PRKG1: variants seen among roughly 807,000 people sequenced by gnomAD.
The protein encoded by PRKG1 is cGMP-dependent protein kinase 1.
PRKG1 carries 35 observed loss-of-function variants against 88.1 expected under a neutral mutation model. The ratio of observed to expected loss-of-function variants is 0.40; its 90% CI spans 0.30 to 0.53. The LOEUF is 0.53. Among genes scored for constraint, PRKG1 ranks in the 20% least tolerant of loss-of-function variants. The pLI is 0.59. For missense variants in PRKG1, 540 were observed against 839.8 expected, an observed-to-expected ratio of 0.64 and a Z score of 4.41; for synonymous variants, 303 against 292.5, an observed-to-expected ratio of 1.04 and a Z score of -0.37.
intron 3 of PRKG1, among the ~76,000 whole-genome samples, chr10:51,559,639 G>C (rs114660375): frequency 0.012 from 1,780 of 152,112 alleles, 32 homozygotes; most frequent in Middle Eastern, 0.048. Context: ...TTTTTATCAA[G>C]TAAGAAAAGA....
intron 3 of PRKG1, among the ~76,000 whole-genome samples, chr10:51,724,362 A>C (rs1448793284): frequency 1.3e-5 from 2 of 152,158 alleles, no homozygotes; most frequent in Non-Finnish European, 2.9e-5. Flanking sequence ...TTGACTTTGG[A>C]AGAAGATAGA....
chr10:51,241,548 T>C (rs1839152829), intron 2 of PRKG1, among the ~76,000 whole-genome samples: 1 of 152,110 alleles, frequency 6.6e-6, no homozygotes, highest in African/African-American at 2.4e-5. Context: ...GATATCCTTA[T>C]ATTAGCCTAC....
intron 2 of PRKG1, among the ~76,000 whole-genome samples, chr10:51,343,743 G>C (rs1842051834): frequency 1.3e-5 from 2 of 152,086 alleles, no homozygotes; most frequent in Non-Finnish European, 2.9e-5. Flanking sequence ...GTTTAAGGTT[G>C]GCCCTCAATA....
intron 2 of PRKG1, among the ~76,000 whole-genome samples, chr10:51,163,724 C>T (rs560157403): frequency 5.9e-5 from 9 of 152,340 alleles, no homozygotes; most frequent in African/African-American, 1.2e-4. Context: ...GCTTAAAAAA[C>T]GGCGCACCAG....
chr10:51,022,562 T>C (rs2132736620), intron 1 of PRKG1, among the ~76,000 whole-genome samples: 1 of 152,288 alleles, frequency 6.6e-6, no homozygotes, highest in South Asian at 2.1e-4. Flanking sequence ...AAGGAGTGCC[T>C]GGCAGACAAC....
intron 2 of PRKG1, among the ~76,000 whole-genome samples, chr10:51,405,086 A>C (rs1355351681): frequency 1.3e-5 from 2 of 152,338 alleles, no homozygotes; most frequent in African/African-American, 2.4e-5. Flanking sequence ...GGAAATTATA[A>C]TATTCTATAA....
At chr10:52,088,306 G>A (rs1232019112) in intron 7 of PRKG1, among the ~76,000 whole-genome samples, 2 of 150,296 alleles carry the variant, frequency 1.3e-5, no homozygotes, top group Non-Finnish European at 3.0e-5. Context: ...GAAATAGTTT[G>A]TTTACAATAT....
intron 5 of PRKG1, among the ~76,000 whole-genome samples, chr10:52,026,496 C>T (rs569783777): frequency 2.0e-5 from 3 of 152,110 alleles, no homozygotes; most frequent in Non-Finnish European, 4.4e-5. Context: ...AGAGATGTCC[C>T]AAAATGAGCA....
intron 5 of PRKG1, among the ~76,000 whole-genome samples, chr10:51,951,877 T>C (rs1843193518): frequency 1.3e-5 from 2 of 152,224 alleles, no homozygotes; most frequent in South Asian, 4.1e-4. Context: ...GACCTATGAA[T>C]AGTTTTACAT....
At chr10:51,317,983 C>G (rs1431447633) in intron 2 of PRKG1, among the ~76,000 whole-genome samples, 1 of 152,202 alleles carries the variant, frequency 6.6e-6, no homozygotes, top group Non-Finnish European at 1.5e-5. Flanking sequence ...AAAGCCTTCT[C>G]TGAGTTAATC....
At chr10:51,021,659 A>T (rs1843138634) in intron 1 of PRKG1, among the ~76,000 whole-genome samples, 1 of 152,126 alleles carries the variant, frequency 6.6e-6, no homozygotes, top group African/African-American at 2.4e-5. Flanking sequence ...TCAACTAAAA[A>T]TAAAAAGCCT....
chr10:51,998,188 A>G (rs2133143419), intron 5 of PRKG1, among the ~76,000 whole-genome samples: 1 of 152,234 alleles, frequency 6.6e-6, no homozygotes, highest in East Asian at 1.9e-4. Flanking sequence ...AATATAATGA[A>G]TGGCATTCAT....
At chr10:51,463,294 T>C (rs1839794009) in intron 2 of PRKG1, among the ~76,000 whole-genome samples, 1 of 152,188 alleles carries the variant, frequency 6.6e-6, no homozygotes, top group Non-Finnish European at 1.5e-5. Context: ...AACTGTAATA[T>C]ATAAAAACCT....
In PRKG1 at chr10:50,991,359, C is replaced by G; in HGVS notation, c.-20C>G. 1 of 1,501,918 alleles carries G rather than the reference C, an allele frequency of 6.7e-7. No homozygotes were observed. Among genetic ancestry groups the G allele is most frequent in the Non-Finnish European group, 8.9e-7 (1 of 1,125,766 alleles). The allele number at this position is 1,501,918 out of a possible 1,614,324, so 93.0% of individuals were successfully genotyped here. A position where few individuals can be genotyped will look rare whatever the true frequency, so the allele number is the denominator to read the frequency against. The stretch of plus-strand genomic sequence containing the variant: ...CGCCGCCGCCCGAGAAAAAGTTTCG[C>G]GGAGGGGCTCAGTGAAAAAATGAGC... On this transcript the variant is annotated 5_prime_UTR_variant, in exon 1 of 18. Coordinates refer to the PRKG1 transcript ENST00000401604. The surrounding 1 kb of genome is among the most constrained non-coding windows in gnomAD (Gnocchi z 4.5).
rs537129881 is a variant in PRKG1, at chr10:51,075,014, C to T, written c.311+113C>T. On this transcript the variant is annotated intron_variant, in intron 1 of 17. Transcript: ENST00000373980. ...CCCGCTTGCCATGTCTGTCCTCATC[C>T]TCAGAAATGTTTCATTTTAACGGGC... is the stretch of plus-strand genomic sequence containing the variant. 572 of 1,379,814 alleles carry T rather than the reference C, an allele frequency of 4.1e-4. 9 individuals carry two copies. The South Asian group carries it at 7.8e-3, about 19-fold the overall frequency. 85.5% of individuals were successfully genotyped at this position (1,379,814 alleles called of 1,614,324 possible).
intron 12 of PRKG1, among the ~76,000 whole-genome samples, chr10:52,273,128 C>A (rs1448477037): frequency 3.9e-5 from 6 of 152,052 alleles, no homozygotes; most frequent in Admixed American, 3.9e-4. Flanking sequence ...TCTAATCATG[C>A]AAATTCATTG....
chr10:51,199,185 G>A (rs1217754892), intron 2 of PRKG1, among the ~76,000 whole-genome samples: 1 of 152,106 alleles, frequency 6.6e-6, no homozygotes, highest in African/African-American at 2.4e-5. Context: ...GAAAAAGTTG[G>A]GAGGGGAGGT....
chr10:52,055,252 T>G (rs1290132696), intron 6 of PRKG1, among the ~76,000 whole-genome samples: 4 of 152,258 alleles, frequency 2.6e-5, no homozygotes, highest in Admixed American at 6.5e-5. Context: ...TAAATTTTAA[T>G]CCTGTTACGA....
At chr10:51,700,033 A>G (rs2132411982) in intron 3 of PRKG1, among the ~76,000 whole-genome samples, 1 of 152,370 alleles carries the variant, frequency 6.6e-6, no homozygotes, top group African/African-American at 2.4e-5. Context: ...GCCTTTTATT[A>G]TAGTATAGTT....
Sources: gnomAD v4.1 joint callset for allele counts (sites outside exome capture counted in the v4.1 genomes callset) on GRCh38, gnomAD v4.1.1 for gene constraint, Gnocchi (gnomAD v3.1) non-coding constraint, MANE v1.5 for transcripts, NCBI Gene and HGNC (gene_info 2026-07-23, HGNC 2026-07-21) for gene names.